Variants in USP3 observed in about 807,000 individuals in gnomAD.
USP3 encodes ubiquitin specific peptidase 3, also known as ubiquitin carboxyl-terminal hydrolase 3.
Under a neutral mutation model 72.3 loss-of-function variants are expected in USP3, and 20 were observed. The ratio of observed to expected loss-of-function variants is 0.28; its 90% confidence interval spans 0.19 to 0.40. USP3 has a LOEUF of 0.40. Ranked by LOEUF, USP3 falls within the 10% of genes least tolerant of loss-of-function variation. The pLI, the probability that USP3 is intolerant of heterozygous loss-of-function variation, is 1.00. For missense variants in USP3, 479 were observed against 633.9 expected (o/e 0.76, Z 2.62); for synonymous variants, 222 against 225.3 (o/e 0.99, Z 0.13).
Position 63,574,226 on chromosome 15 carries a change from G to A in USP3, c.1015+74G>A, listed in dbSNP as rs2066824877. Reference sequence around the variant, plus strand: ...TTAATGTTTCCTTCAAAAAATAAGTGTAAAGAGAAATCTAGAAATACATCA... The same window carrying A: ...TTAATGTTTCCTTCAAAAAATAAGTATAAAGAGAAATCTAGAAATACATCA... On this transcript the variant is annotated intron_variant, in intron 10 of 14. Transcript: ENST00000380324. This position sits in a 1 kb window ranked among gnomAD's most constrained non-coding sequence, Gnocchi z 4.6. 1.4e-6 allele frequency: 2 copies of A among 1,408,476 alleles called. No individual in the cohort carries two copies. The highest frequency in any genetic ancestry group is 1.5e-5 in the African/African-American group (1 of 67,568). The allele number at this position is 1,408,476 out of a possible 1,614,324, so 87.2% of individuals were successfully genotyped here.
chr15:63,532,591 G>C, intron 1 of USP3, 56 bp from the exon 2 acceptor site: 1 of 1,594,332 alleles, frequency 6.3e-7, no homozygotes, highest in Non-Finnish European at 8.6e-7. Context: ...AAAATGGGGA[G>C]AAATTGGGAA....
chr15:63,532,038 A>G (rs945679344), intron 1 of USP3, among the ~76,000 whole-genome samples: 2 of 152,200 alleles, frequency 1.3e-5, no homozygotes, highest in African/African-American at 2.4e-5. Flanking sequence ...ATTTTAATCA[A>G]TATTTCATTT....
chr15:63,536,125 A>G (rs973198978), intron 2 of USP3, among the ~76,000 whole-genome samples: 2 of 152,218 alleles, frequency 1.3e-5, no homozygotes, highest in Admixed American at 1.3e-4. Context: ...GTGTTACACA[A>G]TTTTTATGAA....
intron 1 of USP3, among the ~76,000 whole-genome samples, chr15:63,507,088 GATTTT>G: frequency 6.6e-6 from 1 of 151,904 alleles, no homozygotes. Context: ...CCACACTCTT[GATTTT>G]ATTTTATTTT....
At chr15:63,554,951 G>T (rs1316116418) in intron 4 of USP3, among the ~76,000 whole-genome samples, 1 of 152,106 alleles carries the variant, frequency 6.6e-6, no homozygotes, top group Non-Finnish European at 1.5e-5. Flanking sequence ...CTCTGAAACT[G>T]TTCACAATAA....
chr15:63,513,950 T>G (rs2065820724), intron 1 of USP3, among the ~76,000 whole-genome samples: 1 of 152,222 alleles, frequency 6.6e-6, no homozygotes. Context: ...AATTTTAATT[T>G]TAGTTGCACA....
At chr15:63,568,507 A>T (rs939983497) in intron 8 of USP3, among the ~76,000 whole-genome samples, 2 of 152,234 alleles carry the variant, frequency 1.3e-5, no homozygotes, top group Non-Finnish European at 2.9e-5. Flanking sequence ...AAATGTGTAT[A>T]CAAAACATAA....
rs1041183745 is a variant in USP3, at chr15:63,588,199, C to T, written c.1097-106C>T. 10 of 817,096 alleles carry T rather than the reference C, an allele frequency of 1.2e-5. No individual in the cohort carries two copies. Among genetic ancestry groups the T allele is most frequent in the African/African-American group, 6.9e-5 (4 of 57,776 alleles). The allele number at this position is 817,096 out of a possible 1,614,324, so 50.6% of individuals were successfully genotyped here. On this transcript the variant is annotated intron_variant, in intron 11 of 14. Coordinates refer to ENST00000380324, the MANE Select transcript of USP3 (RefSeq NM_006537.4). This position sits in a 1 kb window ranked among gnomAD's most constrained non-coding sequence, Gnocchi z 4.6. ...TGAGAAAGGTTAACTTTTCTAAGGT[C>T]GTATAGCTAATAAAGCTGAGATTTT...
At chr15:63,513,745 G>T (rs1291302596) in intron 1 of USP3, among the ~76,000 whole-genome samples, 1 of 152,096 alleles carries the variant, frequency 6.6e-6, no homozygotes, top group Admixed American at 6.5e-5. Context: ...CACAATGCCG[G>T]AGTAATATTT....
At chr15:63,518,229 G>C (rs1351610060) in intron 1 of USP3, among the ~76,000 whole-genome samples, 1 of 152,124 alleles carries the variant, frequency 6.6e-6, no homozygotes, top group Admixed American at 6.5e-5. Context: ...ACAAAATATT[G>C]TTGCTGTTAT....
rs2067202962 is a variant in USP3, at chr15:63,591,688, A to G, written c.*862A>G. 1 of 152,182 alleles carries G rather than the reference A, an allele frequency of 6.6e-6. No homozygotes were observed. 9.4% of individuals were successfully genotyped at this position (152,182 alleles called of 1,614,324 possible). A position where few individuals can be genotyped will look rare whatever the true frequency, so the allele number is the denominator to read the frequency against. Reference sequence around the variant, plus strand: ...CACTGGAAGTCACGACATGTCCATTATAGACTTACTTACTGCTTGTGTTTG... The same window carrying G: ...CACTGGAAGTCACGACATGTCCATTGTAGACTTACTTACTGCTTGTGTTTG... On this transcript the variant is annotated 3_prime_UTR_variant, in exon 15 of 15. Transcript: ENST00000380324.
chr15:63,551,276 T>TCC (rs2066432842), intron 3 of USP3: 1 of 152,154 alleles, frequency 6.6e-6, no homozygotes, highest in Non-Finnish European at 1.5e-5. Context: ...TGCCATTCTT[T>TCC]GTGAAATTTG....
rs748488956 is a variant in USP3, at chr15:63,570,416, C to T, written c.762-17C>T. ...GCCCTCCACCCGGCCTTATAAGTGACTGTTTGTTTGCTTTAGGGGCTATCA... is the reference window on the plus strand; with the variant it reads ...GCCCTCCACCCGGCCTTATAAGTGATTGTTTGTTTGCTTTAGGGGCTATCA... On this transcript the variant is annotated splice_polypyrimidine_tract_variant and intron_variant, in intron 8 of 14. Coordinates refer to ENST00000380324, the MANE Select transcript of USP3 (RefSeq NM_006537.4). The surrounding 1 kb of genome is among the most constrained non-coding windows in gnomAD (Gnocchi z 4.4). The T allele has an allele frequency of 6.2e-7, 1 of 1,613,868 alleles. No individual in the cohort carries two copies. The highest frequency in any genetic ancestry group is 8.5e-7 in the Non-Finnish European group (1 of 1,180,004).
chr15:63,570,683 AT>A lies in USP3; in HGVS notation c.908+107del, dbSNP rs2066765953. On this transcript the variant is annotated intron_variant, in intron 9 of 14. Transcript: ENST00000380324. This position sits in a 1 kb window ranked among gnomAD's most constrained non-coding sequence, Gnocchi z 4.4. ...CGGAAGGTAGAGGGGTTTCTTGGACATTTGCTGGAACTTTTCGTGCCCTTGA... is the reference window on the plus strand; with the variant it reads ...CGGAAGGTAGAGGGGTTTCTTGGACATTGCTGGAACTTTTCGTGCCCTTGA... 1 of 1,495,040 alleles carries A rather than the reference AT, an allele frequency of 6.7e-7. No homozygotes were observed. Among genetic ancestry groups the A allele is most frequent in the South Asian group, 1.4e-5 (1 of 73,458 alleles). The allele number at this position is 1,495,040 out of a possible 1,614,324, so 92.6% of individuals were successfully genotyped here.
At chr15:63,533,838 C>CT (rs769917581) in intron 2 of USP3, 113 of 1,228,428 alleles carry the variant, frequency 9.2e-5, no homozygotes, top group South Asian at 8.1e-4. Context: ...GTACAGATAA[C>CT]TTTTTTTTAA....
rs1275199667 is a variant in USP3 at position 63,558,114 on chromosome 15, C to T, written c.459C>T (p.Thr153=). Residue 153 remains threonine, a synonymous_variant, in exon 6 of 15, where the codon ACC becomes ACT. Transcript: ENST00000380324. ...TCTTGCACCACTTACAGGGAAGCAC[C>T]ACTGCCATTTGTGCCACAGGCCTTC... is the stretch of plus-strand genomic sequence containing the variant. ...NSKLLKVNGS[T]TAICATGLRN... is the part of the protein sequence containing the mutation. 1.9e-6 allele frequency: 3 copies of T among 1,614,040 alleles called. No homozygotes were observed. Among genetic ancestry groups the T allele is most frequent in the African/African-American group, 2.7e-5 (2 of 74,912 alleles).
At position 63,528,991 on chromosome 15, in the gene USP3, C is replaced by A. The variant is rs1169984818; in HGVS notation, c.92-3656C>A. 1.6e-6 allele frequency: 2 copies of A among 1,288,022 alleles called. No individual in the cohort carries two copies. The highest frequency in any genetic ancestry group is 1.2e-5 in the South Asian group (1 of 80,962). 79.8% of individuals were successfully genotyped at this position (1,288,022 alleles called of 1,614,324 possible). ...ATTGGCTTCAGAATCCCTCATAATA[C>A]CCTATCCTCTGTATCTTTCTAGCCT... is the stretch of plus-strand genomic sequence containing the variant. On this transcript the variant is annotated intron_variant, in intron 1 of 14. Transcript: ENST00000380324. This position sits in a 1 kb window ranked among gnomAD's most constrained non-coding sequence, Gnocchi z 4.3.
intron 11 of USP3, among the ~76,000 whole-genome samples, chr15:63,583,777 T>C (rs1365166783): frequency 6.6e-6 from 1 of 152,234 alleles, no homozygotes; most frequent in Non-Finnish European, 1.5e-5. Context: ...TCAGGGGTCA[T>C]CCATGTTGTA....
rs540169099 is a variant in USP3, at chr15:63,583,079, C to T, written c.1097-5226C>T. Among the ~76,000 whole-genome samples, 3 of 152,202 alleles carry T rather than the reference C, an allele frequency of 2.0e-5. No individual in the cohort carries two copies. In the South Asian group the frequency reaches 6.2e-4, roughly 32 times the overall value. On this transcript the variant is annotated intron_variant, in intron 11 of 14. Transcript: ENST00000380324. Reference sequence around the variant, plus strand: ...CCATGCTTCCACACACGGGGAGACCCCTTCAGAAAGTGGGTCTGTACAGGT... The same window carrying T: ...CCATGCTTCCACACACGGGGAGACCTCTTCAGAAAGTGGGTCTGTACAGGT...
Sources: allele counts gnomAD v4.1 joint callset (sites outside exome capture counted in the v4.1 genomes callset), GRCh38; gene constraint gnomAD v4.1.1; non-coding constraint Gnocchi (gnomAD v3.1); transcripts MANE v1.5; gene names NCBI Gene and HGNC (gene_info 2026-07-23, HGNC 2026-07-21).